The following EPS8L3 variants were observed in gnomAD, a reference collection of about 807,000 sequenced individuals.
The protein encoded by EPS8L3 is epidermal growth factor receptor kinase substrate 8-like protein 3.
Under a neutral mutation model 88.5 loss-of-function variants are expected in EPS8L3, and 80 were observed. That is an observed-to-expected ratio of 0.90 (90% CI 0.75 to 1.09). The LOEUF is 1.09. EPS8L3 is among the 50% of genes least tolerant of loss of function. The pLI, the probability that EPS8L3 is intolerant of heterozygous loss-of-function variation, is 0.00. For synonymous variants in EPS8L3, 286 were observed against 291.0 expected (o/e 0.98, Z 0.18); for missense variants, 721 against 735.2 (o/e 0.98, Z 0.22).
At chr1:109,757,758 A>C in intron 10 of EPS8L3, 44 bp downstream of exon 10, 1 of 1,579,914 alleles carries the variant, frequency 6.3e-7, no homozygotes, top group Non-Finnish European at 8.7e-7. Context: ...CTGGGGAGGA[A>C]GGGGAAGAGG....
Position 109,761,774 on chromosome 1 carries a change from C to G in EPS8L3, c.-24-1G>C. 2 of 1,613,904 alleles carry G rather than the reference C, an allele frequency of 1.2e-6. No homozygotes were observed. The highest frequency in any genetic ancestry group is 1.7e-6 in the Non-Finnish European group (2 of 1,179,934). ...TGTTGACGCTGCTGAGGACGGCTCC[C>G]TAGAACCCAAAGTGAACCAGAGGCA... On this transcript the variant is annotated splice_acceptor_variant, in intron 1 of 18. Coordinates refer to ENST00000361965, the MANE Select transcript of EPS8L3 (RefSeq NM_133181.4). LOFTEE classifies it low-confidence loss of function (5UTR_SPLICE).
Position 109,759,008 on chromosome 1 carries a change from C to A in EPS8L3, c.461+54G>T. ...CCCAAGATATGGGGTCAGGGTCTGGCCCCCGAGGCTGAGCTGGGAGGCCCC... is the reference window on the plus strand; with the variant it reads ...CCCAAGATATGGGGTCAGGGTCTGGACCCCGAGGCTGAGCTGGGAGGCCCC... On this transcript the variant is annotated intron_variant, in intron 6 of 18. Transcript: ENST00000361965. The surrounding 1 kb of genome is among the most constrained non-coding windows in gnomAD (Gnocchi z 4.2). 6.5e-7 allele frequency: 1 copy of A among 1,536,596 alleles called. No homozygotes were observed. The highest frequency in any genetic ancestry group is 8.8e-7 in the Non-Finnish European group (1 of 1,131,676).
At position 109,763,847 on chromosome 1, in the gene EPS8L3, C is replaced by G. The variant is rs878605; in HGVS notation, c.-50G>C. 28,057 of 152,884 alleles carry G rather than the reference C, an allele frequency of 0.18. 2,861 individuals are homozygous for G. Among genetic ancestry groups the G allele is most frequent in the South Asian group, 0.23 (1,090 of 4,832 alleles). 9.5% of individuals were successfully genotyped at this position (152,884 alleles called of 1,614,324 possible). Reference sequence around the variant, plus strand: ...CTGGGTGCCAGTGAAGGCCGGGTGCCTGGTCCCCCCAGGAGGCTGGTCTTG... The same window carrying G: ...CTGGGTGCCAGTGAAGGCCGGGTGCGTGGTCCCCCCAGGAGGCTGGTCTTG... On this transcript the variant is annotated 5_prime_UTR_variant, in exon 1 of 19. Transcript: ENST00000361965.
chr1:109,757,235 A>G, intron 11 of EPS8L3, 70 bp from the exon 12 acceptor site: 1 of 1,484,284 alleles, frequency 6.7e-7, no homozygotes, highest in Non-Finnish European at 9.0e-7. Flanking sequence ...GGAAAGGCCC[A>G]GAGTCCCTGG....
At chr1:109,758,146 C>T in intron 8 of EPS8L3, 88 bp from the exon 9 acceptor site, 1 of 1,349,280 alleles carries the variant, frequency 7.4e-7, no homozygotes, top group South Asian at 1.2e-5. Context: ...CTCCCCACCA[C>T]AAGCCCCAGC....
chr1:109,752,384 T>C lies in EPS8L3; in HGVS notation c.1236-191A>G, dbSNP rs995790499. Reference sequence around the variant, plus strand: ...CAGGAGGGGTCTGAAATGTCATTGATTTCTGAAGACATTTCCGGGAGTGGA... The same window carrying C: ...CAGGAGGGGTCTGAAATGTCATTGACTTCTGAAGACATTTCCGGGAGTGGA... On this transcript the variant is annotated intron_variant, in intron 14 of 18. Transcript: ENST00000361965. The C allele has an allele frequency of 1.1e-4, 71 of 627,162 alleles. No individual in the cohort carries two copies. In the Admixed American group the frequency reaches 1.2e-3, roughly 10 times the overall value. 38.8% of individuals were successfully genotyped at this position (627,162 alleles called of 1,614,324 possible).
In EPS8L3 at chr1:109,750,749, G is replaced by A. The variant is rs772599226; in HGVS notation, c.1681C>T (p.Arg561Cys). The stretch of plus-strand genomic sequence containing the variant: ...ATCTGTAGCTCCCCAGGTCTTATGC[G>A]AAGTAGCTGGCTCCCCGTCAGGGAC... ...LGSLTGSQLLRIRPGELQMLC... is the reference protein window; with the variant it reads ...LGSLTGSQLLCIRPGELQMLC... Residue 561 changes from arginine (R) to cysteine (C), a missense_variant, in exon 18 of 19, where the codon CGC becomes TGC. Arg to Cys is a radical substitution (Grantham distance 180). Transcript: ENST00000361965. 1.5e-5 allele frequency: 25 copies of A among 1,614,214 alleles called. No individual in the cohort carries two copies. The East Asian group carries it at 3.3e-4, about 22-fold the overall frequency.
chr1:109,757,609 C>A, intron 10 of EPS8L3, 54 bp from the exon 11 acceptor site: 1 of 1,539,186 alleles, frequency 6.5e-7, no homozygotes, highest in Non-Finnish European at 9.0e-7. Flanking sequence ...CCATCTTCAC[C>A]AGGTCACCAT....
chr1:109,758,263 T>G, intron 8 of EPS8L3, 53 bp downstream of exon 8: 6 of 1,537,676 alleles, frequency 3.9e-6, no homozygotes, highest in Non-Finnish European at 5.4e-6. Context: ...TTGGTGTCCT[T>G]CCTTTTCCCA....
chr1:109,750,669 C>T lies in EPS8L3; in HGVS notation c.1761G>A (p.Arg587=). 1 of 1,614,228 alleles carries T rather than the reference C, an allele frequency of 6.2e-7. No individual in the cohort carries two copies. The highest frequency in any genetic ancestry group is 8.5e-7 in the Non-Finnish European group (1 of 1,180,028). ...CCCAGGGTGTCCTCACCCCCAGCAT[C>T]CTTCTGACAGCCTCCAGCCGGGACA... ...RILSRLEAVR[R]MLGISP Residue 587 remains arginine (R), a synonymous_variant, in exon 18 of 19, where the codon AGG becomes AGA. Coordinates refer to ENST00000361965, the MANE Select transcript of EPS8L3 (RefSeq NM_133181.4).
chr1:109,751,518 A>G, intron 16 of EPS8L3, 136 bp downstream of exon 16: 1 of 1,412,868 alleles, frequency 7.1e-7, no homozygotes, highest in Non-Finnish European at 9.8e-7. Context: ...GCCCCATGAT[A>G]AAGTTGGCAC....
At chr1:109,756,784 T>C (rs1650321697) in intron 12 of EPS8L3, among the ~76,000 whole-genome samples, 1 of 152,240 alleles carries the variant, frequency 6.6e-6, no homozygotes, top group South Asian at 2.1e-4. Context: ...ACTGTTCTTT[T>C]TTCTGAGATA....
chr1:109,761,378 G>T, intron 3 of EPS8L3, 117 bp downstream of exon 3: 1 of 849,718 alleles, frequency 1.2e-6, no homozygotes, highest in Non-Finnish European at 1.9e-6. Flanking sequence ...GTTGGGACAG[G>T]CTGTTGGCTT....
At position 109,751,285 on chromosome 1, in the gene EPS8L3, A is replaced by C; in HGVS notation, c.1630T>G (p.Ser544Ala). ...GTAGGGCCAGGCACTCACGCAGTGG[A>C]GAAGTTCTCTGCCTGCAGCCAGTCT... Reference protein sequence around the residue: ...VTDWLQAENFSTATVRTLGSL... With the variant: ...VTDWLQAENFATATVRTLGSL... Residue 544 changes from serine to alanine, a missense_variant, in exon 17 of 19, where the codon TCC becomes GCC. Coordinates refer to ENST00000361965, the MANE Select transcript of EPS8L3 (RefSeq NM_133181.4). 6.2e-7 allele frequency: 1 copy of C among 1,613,740 alleles called. No homozygotes were observed. The highest frequency in any genetic ancestry group is 8.5e-7 in the Non-Finnish European group (1 of 1,179,888).
At chr1:109,753,708 C>T (rs1650025102) in intron 12 of EPS8L3, among the ~76,000 whole-genome samples, 1 of 152,218 alleles carries the variant, frequency 6.6e-6, no homozygotes, top group Non-Finnish European at 1.5e-5. Flanking sequence ...GCCTCTCAGC[C>T]TCCCCCTCGC....
At chr1:109,750,437 G>T (rs1371952897) in intron 18 of EPS8L3, 35 bp from the exon 19 acceptor site, 3 of 1,612,512 alleles carry the variant, frequency 1.9e-6, no homozygotes, top group Non-Finnish European at 2.5e-6. Context: ...GAGGCTGATG[G>T]CAGGTGAGGG....
At position 109,753,194 on chromosome 1, in the gene EPS8L3, C is replaced by G. The variant is rs529514809; in HGVS notation, c.1123G>C (p.Asp375His). 7 of 1,608,680 alleles carry G rather than the reference C, an allele frequency of 4.4e-6. No homozygotes were observed. Among genetic ancestry groups the G allele is most frequent in the Non-Finnish European group, 5.9e-6 (7 of 1,177,330 alleles). ...GGCAGGGGCTCATCGCCTGTCCAGTCGGCCCTGAAGAGGGAAACAAAGCTG... is the reference window on the plus strand; with the variant it reads ...GGCAGGGGCTCATCGCCTGTCCAGTGGGCCCTGAAGAGGGAAACAAAGCTG... ...LGPAWTTSRA[D>H]WTGDEPLPYQ... Residue 375 changes from aspartate (D) to histidine (H), a missense_variant, in exon 13 of 19, where the codon GAC (aspartate) becomes CAC (histidine). By Grantham distance (81) the Asp-to-His change is moderately conservative. Coordinates refer to ENST00000361965, the MANE Select transcript of EPS8L3 (RefSeq NM_133181.4).
intron 12 of EPS8L3, among the ~76,000 whole-genome samples, chr1:109,755,184 A>G (rs1450036188): frequency 3.3e-5 from 5 of 152,246 alleles, no homozygotes; most frequent in Admixed American, 2.0e-4. Context: ...TAGAACAGGC[A>G]ACATATTCTC....
Position 109,750,328 on chromosome 1 carries a change from G to A in EPS8L3, c.*63C>T. The stretch of plus-strand genomic sequence containing the variant: ...GAAGAGGAATTCTCGGGGCTCTAAT[G>A]GGTATCAGATCTGCCATCTTGCATC... On this transcript the variant is annotated 3_prime_UTR_variant, in exon 19 of 19. Coordinates refer to ENST00000361965, the MANE Select transcript of EPS8L3 (RefSeq NM_133181.4). The A allele has an allele frequency of 3.1e-6, 5 of 1,599,670 alleles. No individual in the cohort carries two copies. The East Asian group carries it at 1.1e-4, about 36-fold the overall frequency.
Sources: allele counts gnomAD v4.1 joint callset (sites outside exome capture counted in the v4.1 genomes callset), GRCh38; gene constraint gnomAD v4.1.1; non-coding constraint Gnocchi (gnomAD v3.1); transcripts MANE v1.5; gene names NCBI Gene and HGNC (gene_info 2026-07-23, HGNC 2026-07-21).